VWA8: variants seen among roughly 807,000 people sequenced by gnomAD.
VWA8 encodes von Willebrand factor A domain containing 8.
In VWA8, 221 loss-of-function variants were observed where a neutral mutation model predicts 241.5. The observed-to-expected ratio is 0.91, with a 90% CI of 0.82 to 1.02. The LOEUF (loss-of-function observed/expected upper bound fraction) is 1.02, where lower values mean the gene tolerates loss of function less well. VWA8 is among the 50% of genes least tolerant of loss of function. The probability of loss-of-function intolerance (pLI) is 0.00; values close to 1 mark genes in which losing one functional copy is unlikely to be tolerated. For missense variants in VWA8, 2,322 were observed against 2,328.7 expected, an observed-to-expected ratio of 1.00 and a Z score of 0.06; for synonymous variants, 852 against 827.1, an observed-to-expected ratio of 1.03 and a Z score of -0.52.
chr13:41,795,590 T>TATAC (rs1474367200), intron 17 of VWA8, among the ~76,000 whole-genome samples: 1 of 152,140 alleles, frequency 6.6e-6, no homozygotes, highest in Non-Finnish European at 1.5e-5. Context: ...ATGTGGTACA[T>TATAC]ATACACCATA....
At chr13:41,657,243 A>G (rs2044912844) in intron 37 of VWA8, among the ~76,000 whole-genome samples, 1 of 152,054 alleles carries the variant, frequency 6.6e-6, no homozygotes. Context: ...ACCCCCGAGA[A>G]AAGCAGAGCC....
chr13:41,819,505 C>T, intron 14 of VWA8, 119 bp from the exon 15 acceptor site: 2 of 1,090,682 alleles, frequency 1.8e-6, no homozygotes, highest in Admixed American at 3.3e-5. Flanking sequence ...TCAATGTTAT[C>T]ATCCAAAGGA....
intron 2 of VWA8, among the ~76,000 whole-genome samples, chr13:41,946,873 T>C (rs1877873632): frequency 6.6e-6 from 1 of 152,186 alleles, no homozygotes; most frequent in Non-Finnish European, 1.5e-5. Flanking sequence ...AATCCAGTTG[T>C]AGCAAAAGAA....
At chr13:41,699,016 C>T (rs997632028) in intron 29 of VWA8, 55 bp downstream of exon 29, 185 of 1,607,940 alleles carry the variant, frequency 1.2e-4, no homozygotes, top group Non-Finnish European at 1.4e-4. Flanking sequence ...TTTCTAATCA[C>T]TCTTGCCTTT....
chr13:41,710,959 C>G (rs547145209), intron 26 of VWA8, among the ~76,000 whole-genome samples: 43 of 152,290 alleles, frequency 2.8e-4, no homozygotes, highest in African/African-American at 1.0e-3. Context: ...ATTTTTAAAG[C>G]AGAAAACCGA....
chr13:41,946,900 T>C (rs1184528413), intron 2 of VWA8, among the ~76,000 whole-genome samples: 7 of 152,222 alleles, frequency 4.6e-5, no homozygotes, highest in Non-Finnish European at 8.8e-5. Flanking sequence ...TAAAACAATT[T>C]ATCCAGAACC....
At chr13:41,938,098 T>G (rs993602802) in intron 2 of VWA8, among the ~76,000 whole-genome samples, 1 of 150,542 alleles carries the variant, frequency 6.6e-6, no homozygotes, top group Non-Finnish European at 1.5e-5. Context: ...GAGGCAGAGG[T>G]TGCAGTGAGC....
rs1211398686 is a variant in VWA8 at position 41,907,592 on chromosome 13, A to G, written c.477T>C (p.Ile159=). The G allele has an allele frequency of 6.2e-7, 1 of 1,614,100 alleles. No homozygotes were observed. Among genetic ancestry groups the G allele is most frequent in the Non-Finnish European group, 8.5e-7 (1 of 1,179,950 alleles). The change falls in exon 4 of 45, where the codon ATT becomes ATC. Residue 159 remains isoleucine (I), a synonymous_variant. Coordinates refer to ENST00000379310, the MANE Select transcript of VWA8 (RefSeq NM_015058.2). The stretch of plus-strand genomic sequence containing the variant: ...AGAGTGTGACAGAACTTGCCTGATC[A>G]ATGTAAAAGGCTGTGCCTGCACGGA... ...REIRAGTAFY[I]DQCAVRAATE...
rs546330914 is a variant in VWA8, at chr13:41,695,771, G to C, written c.3565-2799C>G. ...CAGTATATGAGGAGGCAAGATGCTG[G>C]CTATGGAAGTCAAGCACAGCTTCAC... On this transcript the variant is annotated intron_variant, in intron 29 of 44. Coordinates refer to ENST00000379310, the MANE Select transcript of VWA8 (RefSeq NM_015058.2). 7.7e-4 allele frequency among the ~76,000 whole-genome samples: 117 copies of C among 152,216 alleles called. 1 individual carries two copies. Among genetic ancestry groups the C allele is most frequent in the Non-Finnish European group, 1.3e-3 (88 of 67,992 alleles).
At chr13:41,958,167 C>T (rs1006497095) in intron 1 of VWA8, among the ~76,000 whole-genome samples, 7 of 152,174 alleles carry the variant, frequency 4.6e-5, no homozygotes, top group Non-Finnish European at 1.0e-4. Context: ...AGTTTATCTG[C>T]TTGTTTTGTT....
intron 17 of VWA8, among the ~76,000 whole-genome samples, chr13:41,787,749 T>C (rs1869272272): frequency 6.6e-6 from 1 of 152,196 alleles, no homozygotes; most frequent in African/African-American, 2.4e-5. Flanking sequence ...TATATGTTTG[T>C]GGAATCTCCT....
chr13:41,801,257 G>T (rs1869948246), intron 17 of VWA8, among the ~76,000 whole-genome samples: 1 of 151,852 alleles, frequency 6.6e-6, no homozygotes, highest in Non-Finnish European at 1.5e-5. Context: ...TTTAATAAAA[G>T]AATCAATATT....
intron 2 of VWA8, among the ~76,000 whole-genome samples, chr13:41,912,533 T>A (rs757352663): frequency 6.6e-6 from 1 of 152,124 alleles, no homozygotes; most frequent in Non-Finnish European, 1.5e-5. Context: ...TCAAGGATGA[T>A]TTGAGGAACT....
intron 21 of VWA8, among the ~76,000 whole-genome samples, chr13:41,759,734 C>A (rs1388402046): frequency 4.0e-5 from 6 of 151,504 alleles, no homozygotes; most frequent in Admixed American, 4.0e-4. Flanking sequence ...ACCAATTTTC[C>A]TGCTTTTTTT....
At chr13:41,805,018 A>T (rs1870120879) in intron 17 of VWA8, among the ~76,000 whole-genome samples, 1 of 152,180 alleles carries the variant, frequency 6.6e-6, no homozygotes, top group South Asian at 2.1e-4. Context: ...ACCATAAAGC[A>T]ACCTAAAAAC....
chr13:41,703,711 A>C (rs932802141), intron 26 of VWA8, among the ~76,000 whole-genome samples: 4 of 152,100 alleles, frequency 2.6e-5, no homozygotes, highest in African/African-American at 9.7e-5. Context: ...TGAACATCTA[A>C]ATTTCTGGTA....
chr13:41,663,576 T>C (rs2044966624), intron 37 of VWA8, among the ~76,000 whole-genome samples: 1 of 152,112 alleles, frequency 6.6e-6, no homozygotes, highest in East Asian at 1.9e-4. Context: ...AATATTCTTA[T>C]GTCTCCTTAT....
intron 16 of VWA8, among the ~76,000 whole-genome samples, chr13:41,813,230 A>C (rs1870545849): frequency 6.6e-6 from 1 of 152,190 alleles, no homozygotes; most frequent in South Asian, 2.1e-4. Flanking sequence ...GCAGCAGCAT[A>C]GAAAGTGGAT....
intron 25 of VWA8, 77 bp downstream of exon 25, chr13:41,721,291 ACT>A: frequency 2.1e-6 from 3 of 1,412,788 alleles, no homozygotes; most frequent in East Asian, 2.3e-5. Flanking sequence ...GAAATTAAAA[ACT>A]CTGGTACAAA....
Sources: allele counts gnomAD v4.1 joint callset (sites outside exome capture counted in the v4.1 genomes callset), GRCh38; gene constraint gnomAD v4.1.1; transcripts MANE v1.5; gene names NCBI Gene and HGNC (gene_info 2026-07-23, HGNC 2026-07-21).